Variants in NLGN1 observed in about 807,000 individuals in gnomAD.
NLGN1 encodes neuroligin-1.
NLGN1 carries 12 observed loss-of-function variants against 65.5 expected under a neutral mutation model. The ratio of observed to expected loss-of-function variants is 0.18; its 90% confidence interval spans 0.12 to 0.30. The LOEUF (loss-of-function observed/expected upper bound fraction) is 0.30, where lower values mean the gene tolerates loss of function less well. Ranked by LOEUF, NLGN1 falls within the 10% of genes least tolerant of loss-of-function variation. The pLI, the probability that NLGN1 is intolerant of heterozygous loss-of-function variation, is 1.00. For missense variants in NLGN1, 750 were observed against 1,007.1 expected (o/e 0.74, Z 3.46); for synonymous variants, 350 against 359.5 (o/e 0.97, Z 0.30).
intron 2 of NLGN1, among the ~76,000 whole-genome samples, chr3:173,579,751 G>T (rs747846417): frequency 2.6e-5 from 4 of 152,130 alleles, no homozygotes; most frequent in Non-Finnish European, 5.9e-5. Context: ...AACTTACAAT[G>T]TTGCACCACT....
rs1729027642 is a variant in NLGN1, at chr3:173,861,351, A to G, written c.646+53519A>G. ...AAGCCTTAAAATCCTTATGGCAACC[A>G]CTAGAAATTAAAAAAAAATGATAAT... On this transcript the variant is annotated intron_variant, in intron 4 of 6. Transcript: ENST00000457714. 2.6e-5 allele frequency among the ~76,000 whole-genome samples: 4 copies of G among 152,116 alleles called. No homozygotes were observed. The South Asian group carries it at 8.3e-4, about 32-fold the overall frequency.
At chr3:173,556,583 A>C (rs1741735519) in intron 2 of NLGN1, among the ~76,000 whole-genome samples, 1 of 152,134 alleles carries the variant, frequency 6.6e-6, no homozygotes, top group Non-Finnish European at 1.5e-5. Flanking sequence ...GGGAGGCTGA[A>C]GCAGGAGGAT....
At chr3:173,445,933 A>C (rs1720184383) in intron 2 of NLGN1, among the ~76,000 whole-genome samples, 1 of 152,150 alleles carries the variant, frequency 6.6e-6, no homozygotes, top group East Asian at 1.9e-4. Context: ...CACCTCTAAC[A>C]GACATTTGAT....
chr3:174,013,823 C>T (rs936141890), intron 4 of NLGN1, among the ~76,000 whole-genome samples: 3 of 152,182 alleles, frequency 2.0e-5, no homozygotes, highest in Non-Finnish European at 4.4e-5. Flanking sequence ...CTCACTCACT[C>T]CTACCTCAGC....
intron 4 of NLGN1, among the ~76,000 whole-genome samples, chr3:174,248,586 C>A (rs142234164): frequency 2.4e-3 from 365 of 152,172 alleles, no homozygotes; most frequent in Non-Finnish European, 3.9e-3. Context: ...ACAGGGAAAC[C>A]CCATCTCTAC....
chr3:173,539,692 A>ACATATGCACATATATACATATATGTG (rs1738292517), intron 2 of NLGN1, among the ~76,000 whole-genome samples: 1 of 135,018 alleles, frequency 7.4e-6, no homozygotes, highest in African/African-American at 3.0e-5. Context: ...ACATATATGT[A>ACATATGCACATATATACATATATGTG]CATATGCACA....
intron 2 of NLGN1, among the ~76,000 whole-genome samples, chr3:173,442,433 C>T (rs1719374691): frequency 6.6e-6 from 1 of 152,066 alleles, no homozygotes; most frequent in African/African-American, 2.4e-5. Context: ...TCACATTGTT[C>T]CTGAATCCAG....
chr3:174,218,222 C>T (rs1320950650), intron 4 of NLGN1, among the ~76,000 whole-genome samples: 1 of 151,964 alleles, frequency 6.6e-6, no homozygotes, highest in East Asian at 1.9e-4. Context: ...TGACTAATAC[C>T]ATTCATTGAT....
chr3:173,775,540 A>G (rs1024312016), intron 3 of NLGN1, among the ~76,000 whole-genome samples: 1 of 152,082 alleles, frequency 6.6e-6, no homozygotes, highest in African/African-American at 2.4e-5. Context: ...GTTATATAAC[A>G]TATGTAAAGC....
intron 4 of NLGN1, among the ~76,000 whole-genome samples, chr3:173,880,462 A>C (rs1029292729): frequency 1.3e-5 from 2 of 151,782 alleles, no homozygotes; most frequent in African/African-American, 4.8e-5. Context: ...CAATAAAGCA[A>C]GTATTGCAAT....
At chr3:174,276,055 T>TCAAAG (rs2152887517) in intron 5 of NLGN1, among the ~76,000 whole-genome samples, 1 of 151,982 alleles carries the variant, frequency 6.6e-6, no homozygotes, top group South Asian at 2.1e-4. Flanking sequence ...TCCAAAATTG[T>TCAAAG]CAAAGCATCA....
At chr3:174,166,107 GT>G (rs1727443902) in intron 4 of NLGN1, among the ~76,000 whole-genome samples, 1 of 151,654 alleles carries the variant, frequency 6.6e-6, no homozygotes, top group African/African-American at 2.4e-5. Flanking sequence ...TTTTATTCTA[GT>G]TAGTAATCTA....
At chr3:174,187,126 T>A (rs1414996818) in intron 4 of NLGN1, among the ~76,000 whole-genome samples, 1 of 152,008 alleles carries the variant, frequency 6.6e-6, no homozygotes, top group African/African-American at 2.4e-5. Context: ...ATTGTTGTAT[T>A]ATTATTTTTT....
At chr3:174,108,200 C>T (rs2152607503) in intron 4 of NLGN1, among the ~76,000 whole-genome samples, 1 of 151,838 alleles carries the variant, frequency 6.6e-6, no homozygotes, top group East Asian at 1.9e-4. Context: ...AGTAGTATGT[C>T]TAAGAACTAT....
At chr3:173,808,502 A>G (rs989430543) in intron 4 of NLGN1, among the ~76,000 whole-genome samples, 1 of 152,166 alleles carries the variant, frequency 6.6e-6, no homozygotes, top group Non-Finnish European at 1.5e-5. Flanking sequence ...GTATTCTGAG[A>G]TAGGCATGTT....
chr3:173,504,610 C>G (rs1451388642), intron 2 of NLGN1, among the ~76,000 whole-genome samples: 1 of 152,028 alleles, frequency 6.6e-6, no homozygotes, highest in African/African-American at 2.4e-5. Flanking sequence ...TTAAGAAAGA[C>G]CTGTTTATAC....
chr3:173,478,321 A>G (rs1179401631), intron 2 of NLGN1, among the ~76,000 whole-genome samples: 1 of 152,170 alleles, frequency 6.6e-6, no homozygotes, highest in African/African-American at 2.4e-5. Flanking sequence ...CAAACACAGC[A>G]TGTTCTCCCT....
At chr3:174,171,771 T>C (rs898739329) in intron 4 of NLGN1, among the ~76,000 whole-genome samples, 4 of 152,088 alleles carry the variant, frequency 2.6e-5, no homozygotes, top group African/African-American at 9.7e-5. Context: ...TCTTTAACAG[T>C]CCCACGACCT....
At chr3:173,952,984 G>C (rs1453696938) in intron 4 of NLGN1, among the ~76,000 whole-genome samples, 2 of 152,040 alleles carry the variant, frequency 1.3e-5, no homozygotes, top group Non-Finnish European at 2.9e-5. Flanking sequence ...TCACCATGCT[G>C]TCCAGGCTGG....
Sources: allele counts gnomAD v4.1 joint callset (sites outside exome capture counted in the v4.1 genomes callset), GRCh38; gene constraint gnomAD v4.1.1; transcripts MANE v1.5; gene names NCBI Gene and HGNC (gene_info 2026-07-23, HGNC 2026-07-21).